MEGF10: variants seen among roughly 807,000 people sequenced by gnomAD.
The protein encoded by MEGF10 is multiple epidermal growth factor-like domains protein 10.
MEGF10 carries 86 observed loss-of-function variants against 147.5 expected under a neutral mutation model. That is an observed-to-expected ratio of 0.58 (90% confidence interval 0.49 to 0.70). The LOEUF (loss-of-function observed/expected upper bound fraction) is 0.70, where lower values mean the gene tolerates loss of function less well. MEGF10 is among the 30% of genes least tolerant of loss of function. MEGF10 has a pLI of 0.00. For missense variants in MEGF10, 1,329 were observed against 1,487.3 expected (o/e 0.89, Z 1.75); for synonymous variants, 478 against 525.5 (o/e 0.91, Z 1.24).
chr5:127,346,528 G>T (rs528202237), intron 4 of MEGF10, among the ~76,000 whole-genome samples: 1 of 152,000 alleles, frequency 6.6e-6, no homozygotes, highest in Non-Finnish European at 1.5e-5. Context: ...GTCTATTTAT[G>T]TCCTTAGCCC....
At chr5:127,404,500 T>A (rs2126938840) in intron 8 of MEGF10, among the ~76,000 whole-genome samples, 1 of 152,272 alleles carries the variant, frequency 6.6e-6, no homozygotes, top group Middle Eastern at 3.4e-3. Context: ...GGCTGGCTCT[T>A]CACTTTGTTG....
intron 4 of MEGF10, among the ~76,000 whole-genome samples, chr5:127,355,528 T>C (rs546478031): frequency 6.6e-6 from 1 of 152,252 alleles, no homozygotes; most frequent in South Asian, 2.1e-4. Flanking sequence ...TGCTATGGTG[T>C]CCGACGTGGT....
intron 8 of MEGF10, among the ~76,000 whole-genome samples, chr5:127,407,072 G>A (rs1466169635): frequency 2.0e-5 from 3 of 152,174 alleles, no homozygotes; most frequent in East Asian, 1.9e-4. Flanking sequence ...GTGAAAGGAG[G>A]TGAAGTCAAA....
intron 8 of MEGF10, among the ~76,000 whole-genome samples, chr5:127,408,870 A>G (rs1764438098): frequency 1.3e-5 from 2 of 152,150 alleles, no homozygotes; most frequent in Non-Finnish European, 2.9e-5. Context: ...TGAGTCTAGG[A>G]GTTTGAAACC....
chr5:127,349,410 T>G (rs1762010314), intron 4 of MEGF10, among the ~76,000 whole-genome samples: 1 of 152,200 alleles, frequency 6.6e-6, no homozygotes, highest in Non-Finnish European at 1.5e-5. Flanking sequence ...TTCAGCAGTA[T>G]TAAATATAGT....
At chr5:127,410,301 A>T in intron 8 of MEGF10, 88 bp from the exon 9 acceptor site, 1 of 1,249,240 alleles carries the variant, frequency 8.0e-7, no homozygotes, top group Non-Finnish European at 1.1e-6. Flanking sequence ...GCTTCGATTT[A>T]TGCATAACAA....
chr5:127,253,965 G>T, the MEGF10 span, among the ~76,000 whole-genome samples: 1 of 151,802 alleles, frequency 6.6e-6, no homozygotes, highest in East Asian at 1.9e-4. Flanking sequence ...TTTTATTTTT[G>T]TCAAAGTCAT....
the MEGF10 span, among the ~76,000 whole-genome samples, chr5:127,236,871 G>C: frequency 1.3e-5 from 2 of 152,194 alleles, no homozygotes; most frequent in African/African-American, 2.4e-5. Flanking sequence ...ACAGTCTGCT[G>C]TTCTAGACAG....
chr5:127,297,086 C>T (rs1023541167), intron 1 of MEGF10, among the ~76,000 whole-genome samples: 7 of 152,212 alleles, frequency 4.6e-5, no homozygotes, highest in Non-Finnish European at 8.8e-5. Context: ...CCTGCCTCAG[C>T]ATCCCGAGTA....
the MEGF10 span, among the ~76,000 whole-genome samples, chr5:127,239,551 A>G: frequency 1.3e-5 from 2 of 149,950 alleles, no homozygotes; most frequent in Non-Finnish European, 3.0e-5. Flanking sequence ...AATGTTAACA[A>G]TGGATCTAAA....
intron 24 of MEGF10, among the ~76,000 whole-genome samples, chr5:127,455,971 T>A (rs773636902): frequency 6.6e-5 from 10 of 152,124 alleles, no homozygotes; most frequent in Non-Finnish European, 1.3e-4. Context: ...GCGACCTGTG[T>A]TTTTAGCGAT....
the MEGF10 span, among the ~76,000 whole-genome samples, chr5:127,238,953 A>G: frequency 6.6e-6 from 1 of 152,010 alleles, no homozygotes; most frequent in Non-Finnish European, 1.5e-5. Flanking sequence ...TAATGGTACA[A>G]CTGACATCAT....
Position 127,460,184 on chromosome 5 carries a change from T to C in MEGF10, c.*2866T>C, listed in dbSNP as rs1766512188. 6.6e-6 allele frequency: 1 copy of C among 152,186 alleles called. No individual in the cohort carries two copies. Among genetic ancestry groups the C allele is most frequent in the South Asian group, 2.1e-4 (1 of 4,834 alleles). 9.4% of individuals were successfully genotyped at this position (152,186 alleles called of 1,614,324 possible). On this transcript the variant is annotated 3_prime_UTR_variant, in exon 25 of 25. Transcript: ENST00000503335. ...GCAAATGCCATTCATATAGTATTGTTAGCCAAACTATTATTCCTTCCTTAG... is the reference window on the plus strand; with the variant it reads ...GCAAATGCCATTCATATAGTATTGTCAGCCAAACTATTATTCCTTCCTTAG...
At chr5:127,443,534 C>T (rs930690175) in intron 19 of MEGF10, among the ~76,000 whole-genome samples, 4 of 152,072 alleles carry the variant, frequency 2.6e-5, no homozygotes, top group Admixed American at 1.3e-4. Flanking sequence ...CCTATGAAAC[C>T]ATCACCATAA....
rs561468754 is a variant in MEGF10 at position 127,383,363 on chromosome 5, C to T, written c.413-13169C>T. ...TCAGCTTATAGTCCTAGCTACCAAG[C>T]AGGCTGAGGTGGGGGTATTACTTGA... On this transcript the variant is annotated intron_variant, in intron 5 of 24. Transcript: ENST00000503335. Among the ~76,000 whole-genome samples, 12 of 152,164 alleles carry T rather than the reference C, an allele frequency of 7.9e-5. No individual in the cohort carries two copies. The East Asian group carries it at 2.1e-3, about 27-fold the overall frequency.
At chr5:127,257,532 C>A in the MEGF10 span, among the ~76,000 whole-genome samples, 1 of 152,032 alleles carries the variant, frequency 6.6e-6, no homozygotes, top group Non-Finnish European at 1.5e-5. Context: ...CTCAGCAGGG[C>A]AAATAAAAAG....
chr5:127,444,512 A>G (rs1398047479), intron 19 of MEGF10: 1 of 152,238 alleles, frequency 6.6e-6, no homozygotes, highest in East Asian at 1.9e-4. Context: ...GGAAGCAGTG[A>G]CATGGAGGCC....
rs1391108845 is a variant in MEGF10 at position 127,438,428 on chromosome 5, T to C, written c.2105-11T>C. ...GAACTCTGATGGACTTCTCCATACC[T>C]GTAATTTCAGCATGTCCACCTGCCC... On this transcript the variant is annotated splice_polypyrimidine_tract_variant and intron_variant, in intron 16 of 24. Coordinates refer to ENST00000503335, the MANE Select transcript of MEGF10 (RefSeq NM_001256545.2). 2 of 1,613,262 alleles carry C rather than the reference T, an allele frequency of 1.2e-6. No homozygotes were observed. The highest frequency in any genetic ancestry group is 1.7e-6 in the Non-Finnish European group (2 of 1,179,604).
chr5:127,334,941 C>T (rs375182816), intron 2 of MEGF10, among the ~76,000 whole-genome samples: 1 of 152,230 alleles, frequency 6.6e-6, no homozygotes, highest in African/African-American at 2.4e-5. Context: ...GGAACGTGCC[C>T]AAGTGATAAT....
Sources: allele counts gnomAD v4.1 joint callset (sites outside exome capture counted in the v4.1 genomes callset), GRCh38; gene constraint gnomAD v4.1.1; transcripts MANE v1.5; gene names NCBI Gene and HGNC (gene_info 2026-07-23, HGNC 2026-07-21).